Variants in PITPNC1 observed in about 807,000 individuals in gnomAD.
The protein encoded by PITPNC1 is cytoplasmic phosphatidylinositol transfer protein 1.
Under a neutral mutation model 44.7 loss-of-function variants are expected in PITPNC1, and 18 were observed. The ratio of observed to expected loss-of-function variants is 0.40; its 90% confidence interval spans 0.28 to 0.60. The LOEUF is 0.60. Among genes scored for constraint, PITPNC1 ranks in the 20% least tolerant of loss-of-function variants. PITPNC1 has a pLI of 0.39. For missense variants in PITPNC1, 290 were observed against 418.4 expected, an observed-to-expected ratio of 0.69 and a Z score of 2.68; for synonymous variants, 141 against 149.6, an observed-to-expected ratio of 0.94 and a Z score of 0.42.
chr17:67,607,026 C>T (rs1184993175), intron 5 of PITPNC1, among the ~76,000 whole-genome samples: 1 of 152,148 alleles, frequency 6.6e-6, no homozygotes. Context: ...CAGAATGGAG[C>T]GTGTGACCTC....
At chr17:67,598,473 G>A (rs2041489331) in intron 5 of PITPNC1, among the ~76,000 whole-genome samples, 1 of 152,160 alleles carries the variant, frequency 6.6e-6, no homozygotes, top group Non-Finnish European at 1.5e-5. Context: ...ACCGCAAGGT[G>A]ATGGCATTAG....
intron 1 of PITPNC1, among the ~76,000 whole-genome samples, chr17:67,410,661 C>T (rs1164002106): frequency 6.6e-6 from 1 of 151,948 alleles, no homozygotes; most frequent in Non-Finnish European, 1.5e-5. Context: ...ACTGAGATTG[C>T]AGGGGTGAGC....
At chr17:67,427,286 C>G (rs1458312749) in intron 1 of PITPNC1, among the ~76,000 whole-genome samples, 4 of 152,174 alleles carry the variant, frequency 2.6e-5, no homozygotes, top group African/African-American at 9.7e-5. Context: ...TCTTGGCTCA[C>G]TGCAACCTCC....
At chr17:67,518,482 T>C (rs2916126) in intron 1 of PITPNC1, among the ~76,000 whole-genome samples, 1,396 of 137,220 alleles carry the variant, frequency 0.01, 17 homozygotes, top group African/African-American at 0.033. Flanking sequence ...GGTTGAAATC[T>C]CTACCAGGGC....
At chr17:67,629,126 G>A (rs889711330) in intron 5 of PITPNC1, among the ~76,000 whole-genome samples, 2 of 152,084 alleles carry the variant, frequency 1.3e-5, no homozygotes, top group African/African-American at 4.8e-5. Flanking sequence ...CCCTTCATCC[G>A]TGCTTAGTTC....
chr17:67,680,443 T>A (rs1567776696), intron 8 of PITPNC1, among the ~76,000 whole-genome samples: 1 of 151,902 alleles, frequency 6.6e-6, no homozygotes, highest in Non-Finnish European at 1.5e-5. Context: ...CTACTGAAAA[T>A]ACAAAAGTTA....
intron 7 of PITPNC1, among the ~76,000 whole-genome samples, chr17:67,673,714 G>T (rs2042550335): frequency 6.6e-6 from 1 of 152,096 alleles, no homozygotes; most frequent in South Asian, 2.1e-4. Flanking sequence ...ACTTTGGGAG[G>T]CCGAGGCAGG....
At chr17:67,619,022 G>A (rs1438467052) in intron 5 of PITPNC1, among the ~76,000 whole-genome samples, 1 of 150,322 alleles carries the variant, frequency 6.7e-6, no homozygotes, top group Non-Finnish European at 1.5e-5. Flanking sequence ...TTGCGCCACT[G>A]CACTCCAGCC....
At chr17:67,480,184 G>A (rs2364971) in intron 1 of PITPNC1, among the ~76,000 whole-genome samples, 3,631 of 152,158 alleles carry the variant, frequency 0.024, 123 homozygotes, top group East Asian at 0.11. Flanking sequence ...TTGGAGAGCT[G>A]GAACCTTAGT....
intron 5 of PITPNC1, among the ~76,000 whole-genome samples, chr17:67,579,938 CAA>C (rs35787884): frequency 1.5e-5 from 2 of 134,902 alleles, no homozygotes; most frequent in Non-Finnish European, 1.6e-5. Flanking sequence ...GACTCTGTCT[CAA>C]AAAAAAAAAA....
intron 1 of PITPNC1, among the ~76,000 whole-genome samples, chr17:67,382,651 C>G (rs1026043899): frequency 6.6e-6 from 1 of 152,072 alleles, no homozygotes; most frequent in Non-Finnish European, 1.5e-5. Context: ...GAGCCACACT[C>G]TCTCGCTCTG....
chr17:67,399,008 CTTTTTTTTTTTTT>C (rs34059580), intron 1 of PITPNC1, among the ~76,000 whole-genome samples: 6 of 88,504 alleles, frequency 6.8e-5, no homozygotes, highest in Admixed American at 1.4e-4. Context: ...AGAGGATCAG[CTTTTTTTTTTTTT>C]TTTTTTTTTT....
intron 1 of PITPNC1, among the ~76,000 whole-genome samples, chr17:67,398,581 C>A (rs1216097212): frequency 6.6e-6 from 1 of 152,064 alleles, no homozygotes; most frequent in African/African-American, 2.4e-5. Flanking sequence ...TTTGGTGCAT[C>A]TCATCGATTT....
chr17:67,402,486 C>T (rs1293549406), intron 1 of PITPNC1, among the ~76,000 whole-genome samples: 2 of 152,204 alleles, frequency 1.3e-5, no homozygotes, highest in Non-Finnish European at 2.9e-5. Flanking sequence ...TACACTTGGT[C>T]TTCTCCACCC....
At chr17:67,468,972 G>T (rs1365523492) in intron 1 of PITPNC1, among the ~76,000 whole-genome samples, 1 of 152,038 alleles carries the variant, frequency 6.6e-6, no homozygotes, top group Non-Finnish European at 1.5e-5. Flanking sequence ...CAGGTGATTC[G>T]CCTGCCTCGG....
At chr17:67,500,685 G>T (rs2040015204) in intron 1 of PITPNC1, among the ~76,000 whole-genome samples, 1 of 148,270 alleles carries the variant, frequency 6.7e-6, no homozygotes. Flanking sequence ...TTAATTGAGA[G>T]AAGGTCTCAC....
At chr17:67,570,344 C>T (rs1720880444) in intron 4 of PITPNC1, among the ~76,000 whole-genome samples, 1 of 152,200 alleles carries the variant, frequency 6.6e-6, no homozygotes, top group South Asian at 2.1e-4. Context: ...GACATTTCCT[C>T]AGCAGCAGAG....
At chr17:67,428,549 A>AAAAG (rs1348657198) in intron 1 of PITPNC1, among the ~76,000 whole-genome samples, 1 of 151,640 alleles carries the variant, frequency 6.6e-6, no homozygotes, top group Non-Finnish European at 1.5e-5. Flanking sequence ...AAAAAAAAAA[A>AAAAG]AAAGAAAGAA....
intron 7 of PITPNC1, among the ~76,000 whole-genome samples, chr17:67,671,541 G>T (rs1484813849): frequency 6.6e-6 from 1 of 152,116 alleles, no homozygotes; most frequent in East Asian, 1.9e-4. Flanking sequence ...CTGGAATTTA[G>T]GTCCAAGAAC....
Sources: allele counts gnomAD v4.1 joint callset (sites outside exome capture counted in the v4.1 genomes callset), GRCh38; gene constraint gnomAD v4.1.1; transcripts MANE v1.5; gene names NCBI Gene and HGNC (gene_info 2026-07-23, HGNC 2026-07-21).